The following EEF1A2 variants were observed in gnomAD, a reference collection of about 807,000 sequenced individuals.
EEF1A2 encodes eukaryotic translation elongation factor 1 alpha 2, also known as elongation factor 1-alpha 2.
EEF1A2 carries 5 observed loss-of-function variants against 39.3 expected under a neutral mutation model. The ratio of observed to expected loss-of-function variants is 0.13; its 90% CI spans 0.07 to 0.27. The LOEUF is 0.27. EEF1A2 is among the 10% of genes least tolerant of loss of function. The pLI, the probability that EEF1A2 is intolerant of heterozygous loss-of-function variation, is 1.00. For missense variants in EEF1A2, 218 were observed against 681.4 expected (o/e 0.32, Z 7.57); for synonymous variants, 287 against 293.7 (o/e 0.98, Z 0.23).
intron 7 of EEF1A2, 71 bp from the exon 8 acceptor site, chr20:63,488,496 G>T (rs981771421): frequency 2.3e-6 from 3 of 1,314,826 alleles, no homozygotes; most frequent in African/African-American, 3.1e-5. Flanking sequence ...GGCTCTGGCC[G>T]GGCGGGGGCG....
In EEF1A2 at chr20:63,498,020, GC is replaced by G; in HGVS notation, c.-71-187del. On this transcript the variant is annotated intron_variant, in intron 1 of 7. Coordinates refer to ENST00000217182, the MANE Select transcript of EEF1A2 (RefSeq NM_001958.5). The surrounding 1 kb of genome is among the most constrained non-coding windows in gnomAD (Gnocchi z 4.1). ...CCAGGGCAAGCAGAGGCTGTGCACT[GC>G]CCCCACCCCACACTTGAGCCCAAAC... is the stretch of plus-strand genomic sequence containing the variant. The G allele has an allele frequency of 2.3e-6, 1 of 433,286 alleles. No homozygotes were observed. Among genetic ancestry groups the G allele is most frequent in the Non-Finnish European group, 4.1e-6 (1 of 242,684 alleles). 26.8% of individuals were successfully genotyped at this position (433,286 alleles called of 1,614,324 possible).
intron 2 of EEF1A2, chr20:63,496,432 G>A (rs1415787313): frequency 4.6e-6 from 1 of 217,406 alleles, no homozygotes; most frequent in Non-Finnish European, 9.3e-6. Context: ...CCGTGTTTGG[G>A]GCTGTCAGAT....
At chr20:63,489,185 C>T in intron 6 of EEF1A2, 33 bp from the exon 7 acceptor site, 4 of 1,601,396 alleles carry the variant, frequency 2.5e-6, no homozygotes, top group Non-Finnish European at 2.6e-6. Flanking sequence ...CCATCAGGCA[C>T]ATCGGCGGTG....
chr20:63,493,580 A>G (rs1282152771), intron 4 of EEF1A2, among the ~76,000 whole-genome samples: 1 of 152,196 alleles, frequency 6.6e-6, no homozygotes, highest in Non-Finnish European at 1.5e-5. Context: ...TCCAGCCCCA[A>G]GTCCCCGAAA....
chr20:63,494,701 CG>C, intron 4 of EEF1A2, 103 bp downstream of exon 4: 1 of 1,431,230 alleles, frequency 7.0e-7, no homozygotes, highest in African/African-American at 1.4e-5. Flanking sequence ...CTGCATTTCC[CG>C]GGGACAGGCC....
At position 63,497,974 on chromosome 20, in the gene EEF1A2, C is replaced by G. The variant is rs1166716919; in HGVS notation, c.-71-140G>C. The G allele has an allele frequency of 3.2e-6, 2 of 618,990 alleles. No homozygotes were observed. Among genetic ancestry groups the G allele is most frequent in the Non-Finnish European group, 5.3e-6 (2 of 379,316 alleles). The allele number at this position is 618,990 out of a possible 1,614,324, so 38.3% of individuals were successfully genotyped here. Reference sequence around the variant, plus strand: ...CATGTTTGGTGGGGAGGGAAGGGCCCCCACCCACAGCTGGGCCTGGCCAGG... The same window carrying G: ...CATGTTTGGTGGGGAGGGAAGGGCCGCCACCCACAGCTGGGCCTGGCCAGG... On this transcript the variant is annotated intron_variant, in intron 1 of 7. Coordinates refer to ENST00000217182, the MANE Select transcript of EEF1A2 (RefSeq NM_001958.5). This position sits in a 1 kb window ranked among gnomAD's most constrained non-coding sequence, Gnocchi z 7.3.
chr20:63,493,772 C>T (rs2082403094), intron 4 of EEF1A2, among the ~76,000 whole-genome samples: 1 of 152,220 alleles, frequency 6.6e-6, no homozygotes, highest in African/African-American at 2.4e-5. Context: ...AGTGTGGCCC[C>T]CACTCCCATC....
At chr20:63,495,806 G>A (rs755279229) in intron 3 of EEF1A2, 50 bp downstream of exon 3, 1 of 1,597,908 alleles carries the variant, frequency 6.3e-7, no homozygotes, top group South Asian at 1.1e-5. Context: ...AGTGTCCCTT[G>A]AAGGGTGCAG....
In EEF1A2 at chr20:63,488,771, C is replaced by T. The variant is rs1344046035; in HGVS notation, c.1264+147G>A. 5 of 898,542 alleles carry T rather than the reference C, an allele frequency of 5.6e-6. No homozygotes were observed. In the East Asian group the frequency reaches 1.3e-4, roughly 24 times the overall value. The allele number at this position is 898,542 out of a possible 1,614,324, so 55.7% of individuals were successfully genotyped here. On this transcript the variant is annotated intron_variant, in intron 7 of 7. Coordinates refer to ENST00000217182, the MANE Select transcript of EEF1A2 (RefSeq NM_001958.5). ...CACCTGCACTCAGTGACACGGAGGC[C>T]GTGGCTCTCCTGCCATGCTCTGGGC...
chr20:63,493,378 G>T (rs113504041), intron 4 of EEF1A2, 91 bp from the exon 5 acceptor site: 20 of 1,403,498 alleles, frequency 1.4e-5, no homozygotes, highest in Non-Finnish European at 1.8e-5. Context: ...GAGTACTGCT[G>T]TTCAGGCTAA....
At position 63,488,280 on chromosome 20, in the gene EEF1A2, G is replaced by C. The variant is rs1390552672; in HGVS notation, c.*18C>G. Reference sequence around the variant, plus strand: ...GCGCGGCACCGCCGGGGAGGGTCGCGCCGCGGGCGCCCGCGCTTCACTTGC... The same window carrying C: ...GCGCGGCACCGCCGGGGAGGGTCGCCCCGCGGGCGCCCGCGCTTCACTTGC... On this transcript the variant is annotated 3_prime_UTR_variant, in exon 8 of 8. Coordinates refer to ENST00000217182, the MANE Select transcript of EEF1A2 (RefSeq NM_001958.5). The C allele has an allele frequency of 9.1e-6, 11 of 1,208,182 alleles. No individual in the cohort carries two copies. Among genetic ancestry groups the C allele is most frequent in the Non-Finnish European group, 1.2e-5 (11 of 954,648 alleles). The allele number at this position is 1,208,182 out of a possible 1,614,324, so 74.8% of individuals were successfully genotyped here. A position where few individuals can be genotyped will look rare whatever the true frequency, so the allele number is the denominator to read the frequency against.
rs2082425294 is a variant in EEF1A2 at position 63,497,818 on chromosome 20, G to A, written c.-55C>T. On this transcript the variant is annotated 5_prime_UTR_variant, in exon 2 of 8. Coordinates refer to ENST00000217182, the MANE Select transcript of EEF1A2 (RefSeq NM_001958.5). This position sits in a 1 kb window ranked among gnomAD's most constrained non-coding sequence, Gnocchi z 7.3. ...CCCGGGGTGCTCTGGCTCAGGGCGA[G>A]GGGGGCTGCAGTGATTCTGTGGGGC... 1.9e-6 allele frequency: 3 copies of A among 1,583,126 alleles called. No individual in the cohort carries two copies. The highest frequency in any genetic ancestry group is 1.3e-5 in the African/African-American group (1 of 74,380).
At chr20:63,489,245 C>G in intron 6 of EEF1A2, 93 bp from the exon 7 acceptor site, 1 of 1,299,568 alleles carries the variant, frequency 7.7e-7, no homozygotes, top group South Asian at 1.4e-5. Context: ...TCACCGGCGC[C>G]CCTGCACGGG....
chr20:63,492,301 GGTGAGTGGATGA>G (rs2082388192), intron 5 of EEF1A2, among the ~76,000 whole-genome samples: 1 of 152,162 alleles, frequency 6.6e-6, no homozygotes. Flanking sequence ...TGGGTAGGTG[GGTGAGTGGATGA>G]ATGGATGGAT....
chr20:63,497,435 C>T lies in EEF1A2; in HGVS notation c.144+185G>A, dbSNP rs1027111838. On this transcript the variant is annotated intron_variant, in intron 2 of 7. Coordinates refer to ENST00000217182, the MANE Select transcript of EEF1A2 (RefSeq NM_001958.5). This position sits in a 1 kb window ranked among gnomAD's most constrained non-coding sequence, Gnocchi z 7.3. ...TGGCCACCCCTCCCCCACCAAGCTC[C>T]CCCTAAGAGAGAGGCTGCCCCACCA... The T allele has an allele frequency of 1.1e-6, 1 of 890,528 alleles. No individual in the cohort carries two copies. Among genetic ancestry groups the T allele is most frequent in the Non-Finnish European group, 1.6e-6 (1 of 627,276 alleles). The allele number at this position is 890,528 out of a possible 1,614,324, so 55.2% of individuals were successfully genotyped here.
At chr20:63,490,359 C>G (rs576256590) in intron 6 of EEF1A2, 120 bp downstream of exon 6, 2 of 1,349,426 alleles carry the variant, frequency 1.5e-6, no homozygotes, top group South Asian at 2.8e-5. Context: ...ACCACTGCGC[C>G]CAGCCTGAGG....
At chr20:63,489,187 T>C (rs1344555749) in intron 6 of EEF1A2, 35 bp from the exon 7 acceptor site, 1 of 1,599,696 alleles carries the variant, frequency 6.3e-7, no homozygotes, top group Admixed American at 1.7e-5. Context: ...ATCAGGCACA[T>C]CGGCGGTGGG....
rs900307588 is a variant in EEF1A2, at chr20:63,495,172, C to A, written c.325-71G>T. The A allele has an allele frequency of 4.5e-5, 70 of 1,558,152 alleles. 2 individuals are homozygous for A. The South Asian group carries it at 7.4e-4, about 17-fold the overall frequency. On this transcript the variant is annotated intron_variant, in intron 3 of 7. Transcript: ENST00000217182. Reference sequence around the variant, plus strand: ...GGGGACAGAGCGAGCCTGGCCCCACCTCACTTCCAGGCCTCTCCAGGCAGC... The same window carrying A: ...GGGGACAGAGCGAGCCTGGCCCCACATCACTTCCAGGCCTCTCCAGGCAGC...
rs995437208 is a variant in EEF1A2 at position 63,488,230 on chromosome 20, C to T, written c.*68G>A. The T allele has an allele frequency of 1.7e-4, 133 of 792,286 alleles. 1 individual carries two copies. The highest frequency in any genetic ancestry group is 2.0e-4 in the African/African-American group (3 of 14,970). 49.1% of individuals were successfully genotyped at this position (792,286 alleles called of 1,614,324 possible). The stretch of plus-strand genomic sequence containing the variant: ...ACCGGCGCGCGGGGCGGGGGCGGGG[C>T]GGGGGCCCGGGCCCGGGGTTCGGAG... On this transcript the variant is annotated 3_prime_UTR_variant, in exon 8 of 8. Coordinates refer to ENST00000217182, the MANE Select transcript of EEF1A2 (RefSeq NM_001958.5).
Sources: gnomAD v4.1 joint callset for allele counts (sites outside exome capture counted in the v4.1 genomes callset) on GRCh38, gnomAD v4.1.1 for gene constraint, Gnocchi (gnomAD v3.1) non-coding constraint, MANE v1.5 for transcripts, NCBI Gene and HGNC (gene_info 2026-07-23, HGNC 2026-07-21) for gene names.